NOS1AP: variants seen among roughly 807,000 people sequenced by gnomAD.
The protein encoded by NOS1AP is nitric oxide synthase 1 adaptor protein.
In NOS1AP, 21 loss-of-function variants were observed where a neutral mutation model predicts 56.2. That is an observed-to-expected ratio of 0.37 (90% CI 0.26 to 0.54). The LOEUF is 0.54. Ranked by LOEUF, NOS1AP falls within the 20% of genes least tolerant of loss-of-function variation. The pLI is 0.84. For missense variants in NOS1AP, 522 were observed against 657.8 expected, an observed-to-expected ratio of 0.79 and a Z score of 2.26; for synonymous variants, 270 against 274.6, an observed-to-expected ratio of 0.98 and a Z score of 0.17.
chr1:162,271,070 T>C (rs1461364247), intron 2 of NOS1AP, among the ~76,000 whole-genome samples: 3 of 152,332 alleles, frequency 2.0e-5, no homozygotes, highest in Admixed American at 1.3e-4. Context: ...GTTTAGGCAA[T>C]GGGGTATTAT....
intron 1 of NOS1AP, among the ~76,000 whole-genome samples, chr1:162,152,017 T>C (rs192685459): frequency 1.5e-4 from 23 of 152,298 alleles, no homozygotes; most frequent in African/African-American, 5.3e-4. Context: ...TAGGAAGCCT[T>C]GTCCAAAACT....
rs188569493 is a variant in NOS1AP at position 162,177,059 on chromosome 1, A to C, written c.177+22583A>C. Among the ~76,000 whole-genome samples, 6 of 152,244 alleles carry C rather than the reference A, an allele frequency of 3.9e-5. No homozygotes were observed. The East Asian group carries it at 1.2e-3, about 29-fold the overall frequency. On this transcript the variant is annotated intron_variant, in intron 2 of 9. Transcript: ENST00000361897. ...CTGGACAATGTCAGCACACTCTAAA[A>C]ATTGGTAGTTCTGCTGCTGAGCTGC...
intron 2 of NOS1AP, among the ~76,000 whole-genome samples, chr1:162,269,154 G>C (rs1413991148): frequency 6.6e-6 from 1 of 152,186 alleles, no homozygotes; most frequent in Non-Finnish European, 1.5e-5. Context: ...CCATCTCAGA[G>C]GGGGCCACAA....
At chr1:162,261,508 G>GAGAGA (rs1654223679) in intron 2 of NOS1AP, among the ~76,000 whole-genome samples, 1 of 13,634 alleles carries the variant, frequency 7.3e-5, no homozygotes, top group Non-Finnish European at 1.9e-4. Flanking sequence ...GAGAGAGAGA[G>GAGAGA]AGAGAGAGAG....
chr1:162,101,508 A>G (rs1647261054), intron 1 of NOS1AP, among the ~76,000 whole-genome samples: 3 of 152,216 alleles, frequency 2.0e-5, no homozygotes, highest in Non-Finnish European at 1.5e-5. Context: ...CATTGAATCT[A>G]TAAATTACTT....
chr1:162,177,654 C>G (rs968138951), intron 2 of NOS1AP, among the ~76,000 whole-genome samples: 2 of 152,098 alleles, frequency 1.3e-5, no homozygotes, highest in Non-Finnish European at 2.9e-5. Context: ...ACATTTTTAA[C>G]TAAATGATGT....
chr1:162,253,869 G>T (rs1052729652), intron 2 of NOS1AP, among the ~76,000 whole-genome samples: 2 of 151,900 alleles, frequency 1.3e-5, no homozygotes, highest in Non-Finnish European at 2.9e-5. Context: ...CTTTTTTAAT[G>T]CATGAATCCA....
intron 2 of NOS1AP, among the ~76,000 whole-genome samples, chr1:162,261,544 G>A (rs865848313): frequency 2.5e-5 from 2 of 79,970 alleles, no homozygotes; most frequent in Admixed American, 1.2e-4. Context: ...GAGAGAGAGA[G>A]AGCAATGAAA....
chr1:162,226,271 A>G (rs1422579603), intron 2 of NOS1AP, among the ~76,000 whole-genome samples: 2 of 152,136 alleles, frequency 1.3e-5, no homozygotes, highest in Non-Finnish European at 2.9e-5. Flanking sequence ...CCAGCCTCCA[A>G]AAAAAGAAAA....
intron 2 of NOS1AP, among the ~76,000 whole-genome samples, chr1:162,204,190 G>A (rs567876108): frequency 5.8e-4 from 88 of 152,328 alleles, no homozygotes; most frequent in Non-Finnish European, 1.1e-3. Context: ...ACCTGGCCTG[G>A]TTGACTTCAC....
intron 2 of NOS1AP, among the ~76,000 whole-genome samples, chr1:162,259,910 C>T (rs902061752): frequency 2.6e-5 from 4 of 152,046 alleles, no homozygotes; most frequent in Admixed American, 6.6e-5. Flanking sequence ...TTGTTTTCTC[C>T]TAAGAAACTA....
At chr1:162,223,428 G>T (rs1240330573) in intron 2 of NOS1AP, among the ~76,000 whole-genome samples, 2 of 151,932 alleles carry the variant, frequency 1.3e-5, no homozygotes, top group African/African-American at 4.8e-5. Context: ...AGTGTGTAGG[G>T]GTGGGGTGGG....
intron 2 of NOS1AP, among the ~76,000 whole-genome samples, chr1:162,184,295 C>CTA (rs1651357214): frequency 6.6e-6 from 1 of 152,024 alleles, no homozygotes. Flanking sequence ...GTAACAATAA[C>CTA]GATCACTAAT....
intron 2 of NOS1AP, among the ~76,000 whole-genome samples, chr1:162,182,492 C>T (rs1293963216): frequency 2.0e-5 from 3 of 152,190 alleles, no homozygotes; most frequent in Non-Finnish European, 4.4e-5. Flanking sequence ...AATAAAGCAA[C>T]AATGAAATTT....
chr1:162,282,583 G>C (rs185741613), intron 2 of NOS1AP, among the ~76,000 whole-genome samples: 8 of 152,258 alleles, frequency 5.3e-5, no homozygotes, highest in Admixed American at 3.9e-4. Context: ...ACATGCAAAA[G>C]GACTTTCTGA....
chr1:162,078,832 G>A (rs999633865), intron 1 of NOS1AP, among the ~76,000 whole-genome samples: 2 of 151,934 alleles, frequency 1.3e-5, no homozygotes, highest in Non-Finnish European at 2.9e-5. Flanking sequence ...TTCCCACCCC[G>A]TTCACAAGTC....
chr1:162,095,408 A>G (rs1444010966), intron 1 of NOS1AP, among the ~76,000 whole-genome samples: 2 of 152,330 alleles, frequency 1.3e-5, no homozygotes, highest in East Asian at 3.9e-4. Flanking sequence ...CAGACTTCTC[A>G]GTCTTCAGAA....
chr1:162,096,023 G>T (rs1436841029), intron 1 of NOS1AP, among the ~76,000 whole-genome samples: 1 of 152,160 alleles, frequency 6.6e-6, no homozygotes, highest in African/African-American at 2.4e-5. Flanking sequence ...GTGAGTATAA[G>T]TTAATATTCT....
At chr1:162,117,565 C>CT (rs1648018129) in intron 1 of NOS1AP, among the ~76,000 whole-genome samples, 1 of 143,220 alleles carries the variant, frequency 7.0e-6, no homozygotes, top group African/African-American at 3.0e-5. Flanking sequence ...CTTCCTGCTA[C>CT]CCCTCAGCTG....
Sources: gnomAD v4.1 joint callset for allele counts (sites outside exome capture counted in the v4.1 genomes callset) on GRCh38, gnomAD v4.1.1 for gene constraint, MANE v1.5 for transcripts, NCBI Gene and HGNC (gene_info 2026-07-23, HGNC 2026-07-21) for gene names.